Variants in RBMS3 observed in about 807,000 individuals in gnomAD.
The protein encoded by RBMS3 is RNA-binding motif, single-stranded-interacting protein 3.
In RBMS3, 27 loss-of-function variants were observed where a neutral mutation model predicts 66.8. That is an observed-to-expected ratio of 0.40 (90% confidence interval 0.30 to 0.56). RBMS3 has a LOEUF of 0.56. RBMS3 is among the 20% of genes least tolerant of loss of function. The pLI, the probability that RBMS3 is intolerant of heterozygous loss-of-function variation, is 0.40. For synonymous variants in RBMS3, 188 were observed against 183.0 expected (o/e 1.03, Z -0.22); for missense variants, 513 against 549.5 (o/e 0.93, Z 0.66).
intron 1 of RBMS3, among the ~76,000 whole-genome samples, chr3:29,322,366 C>T (rs1230167304): frequency 6.6e-6 from 1 of 152,062 alleles, no homozygotes; most frequent in East Asian, 1.9e-4. Context: ...CCTATCCATA[C>T]ATGAATTTAT....
intron 14 of RBMS3, among the ~76,000 whole-genome samples, chr3:29,999,551 A>G (rs1170190558): frequency 6.6e-6 from 1 of 152,208 alleles, no homozygotes; most frequent in African/African-American, 2.4e-5. Context: ...AATGTGGCAC[A>G]TATACACCAT....
intron 1 of RBMS3, among the ~76,000 whole-genome samples, chr3:29,370,158 T>G (rs2038124669): frequency 1.3e-5 from 2 of 152,220 alleles, no homozygotes; most frequent in South Asian, 4.1e-4. Context: ...CCAAGTTGTC[T>G]CGTATTTTCT....
intron 2 of RBMS3, among the ~76,000 whole-genome samples, chr3:29,445,071 A>G (rs1171336087): frequency 6.6e-6 from 1 of 151,780 alleles, no homozygotes; most frequent in Non-Finnish European, 1.5e-5. Context: ...AGTACCTAGT[A>G]CACTTCCAGA....
At chr3:29,765,414 C>T (rs2055880219) in intron 6 of RBMS3, among the ~76,000 whole-genome samples, 1 of 151,904 alleles carries the variant, frequency 6.6e-6, no homozygotes, top group Admixed American at 6.6e-5. Flanking sequence ...TGGCCAATTT[C>T]CGAATCTTTT....
At chr3:29,616,103 T>G (rs61610577) in intron 4 of RBMS3, 1 of 152,040 alleles carries the variant, frequency 6.6e-6, no homozygotes. Flanking sequence ...GTACAGAAAA[T>G]TTGAGCCAGT....
At chr3:29,379,700 G>A (rs1201683618) in intron 1 of RBMS3, among the ~76,000 whole-genome samples, 1 of 152,068 alleles carries the variant, frequency 6.6e-6, no homozygotes, top group Non-Finnish European at 1.5e-5. Context: ...ATTTTGGTGG[G>A]GACACAGCGA....
chr3:29,477,787 A>G (rs2043000904), intron 2 of RBMS3, among the ~76,000 whole-genome samples: 2 of 151,928 alleles, frequency 1.3e-5, no homozygotes, highest in Non-Finnish European at 2.9e-5. Context: ...CTTTTTTGAG[A>G]CAGGGTCTCA....
At chr3:29,756,746 A>G (rs192097824) in intron 5 of RBMS3, among the ~76,000 whole-genome samples, 4 of 152,234 alleles carry the variant, frequency 2.6e-5, no homozygotes, top group East Asian at 3.9e-4. Flanking sequence ...CAACTCCCCA[A>G]TTCAGGTTTA....
At chr3:29,797,077 GT>G (rs1338973530) in intron 6 of RBMS3, among the ~76,000 whole-genome samples, 1 of 152,010 alleles carries the variant, frequency 6.6e-6, no homozygotes, top group East Asian at 1.9e-4. Flanking sequence ...GTCCTTTGAA[GT>G]TTTGAGGCCA....
intron 4 of RBMS3, among the ~76,000 whole-genome samples, chr3:29,702,460 G>C (rs1209239976): frequency 1.3e-5 from 2 of 152,210 alleles, no homozygotes; most frequent in Non-Finnish European, 2.9e-5. Flanking sequence ...AAGGCTGCCA[G>C]AGCTGGCAGT....
At chr3:29,329,431 T>C (rs949054740) in intron 1 of RBMS3, among the ~76,000 whole-genome samples, 9 of 152,074 alleles carry the variant, frequency 5.9e-5, no homozygotes, top group Non-Finnish European at 1.3e-4. Context: ...GGAGAGTCTA[T>C]AGTTAGCGTG....
At chr3:29,459,740 G>A (rs1049009672) in intron 2 of RBMS3, among the ~76,000 whole-genome samples, 8 of 152,150 alleles carry the variant, frequency 5.3e-5, no homozygotes, top group Non-Finnish European at 8.8e-5. Context: ...GCATGATTTC[G>A]AACTTAAAAC....
intron 6 of RBMS3, among the ~76,000 whole-genome samples, chr3:29,813,223 A>G (rs2057777801): frequency 6.6e-6 from 1 of 151,958 alleles, no homozygotes; most frequent in Admixed American, 6.6e-5. Flanking sequence ...TTTTTTCAAT[A>G]TTTTATGGGT....
chr3:29,705,839 A>G (rs1208292869), intron 4 of RBMS3, among the ~76,000 whole-genome samples: 1 of 152,222 alleles, frequency 6.6e-6, no homozygotes, highest in African/African-American at 2.4e-5. Flanking sequence ...CTAAGGTGGC[A>G]CTAAGTCCAT....
rs1304190794 is a variant in RBMS3 at position 29,922,687 on chromosome 3, C to A, written c.940-13399C>A. On this transcript the variant is annotated intron_variant, in intron 10 of 14. Coordinates refer to ENST00000383767, the MANE Select transcript of RBMS3 (RefSeq NM_001003793.3). ...ACCCCCTCAGTATTTCAAGTTGACA[C>A]AATTCTTACTACTAAAAGTATTGCT... 2.0e-5 allele frequency among the ~76,000 whole-genome samples: 3 copies of A among 152,038 alleles called. No individual in the cohort carries two copies. In the East Asian group the frequency reaches 5.8e-4, roughly 29 times the overall value.
At chr3:29,992,462 C>T (rs1698949294) in intron 14 of RBMS3, among the ~76,000 whole-genome samples, 1 of 151,974 alleles carries the variant, frequency 6.6e-6, no homozygotes. Flanking sequence ...TGGCGGGTGC[C>T]TGTAGTCCCA....
chr3:29,760,904 A>C (rs764148675), intron 5 of RBMS3, among the ~76,000 whole-genome samples: 1 of 152,038 alleles, frequency 6.6e-6, no homozygotes, highest in Non-Finnish European at 1.5e-5. Context: ...TTTTCTTTTT[A>C]TTTGGACATC....
chr3:29,303,551 C>G (rs2125450386), intron 1 of RBMS3, among the ~76,000 whole-genome samples: 1 of 152,082 alleles, frequency 6.6e-6, no homozygotes, highest in Admixed American at 6.6e-5. Flanking sequence ...CCCTTTTTAA[C>G]TTTTATAGCC....
chr3:29,328,161 G>A (rs1033574079), intron 1 of RBMS3, among the ~76,000 whole-genome samples: 4 of 152,100 alleles, frequency 2.6e-5, no homozygotes, highest in Non-Finnish European at 4.4e-5. Flanking sequence ...TTTAAACAAC[G>A]TGGCACGTTT....
Sources: gnomAD v4.1 joint callset for allele counts (sites outside exome capture counted in the v4.1 genomes callset) on GRCh38, gnomAD v4.1.1 for gene constraint, MANE v1.5 for transcripts, NCBI Gene and HGNC (gene_info 2026-07-23, HGNC 2026-07-21) for gene names.